APBB2: variants seen among roughly 807,000 people sequenced by gnomAD.
The protein encoded by APBB2 is Fe65-like 1.
Under a neutral mutation model 82.5 loss-of-function variants are expected in APBB2, and 38 were observed. That is an observed-to-expected ratio of 0.46 (90% CI 0.36 to 0.60). The LOEUF is 0.60. APBB2 is among the 20% of genes least tolerant of loss of function. The pLI is 0.00. For missense variants in APBB2, 772 were observed against 972.3 expected (o/e 0.79, Z 2.74); for synonymous variants, 341 against 368.2 (o/e 0.93, Z 0.85).
intron 3 of APBB2, among the ~76,000 whole-genome samples, chr4:41,073,319 T>C (rs1734521176): frequency 2.6e-5 from 4 of 152,248 alleles, no homozygotes; most frequent in Admixed American, 2.6e-4. Context: ...AACAACTTCC[T>C]ATCTAAGTTC....
chr4:41,162,448 C>T (rs1379010561), intron 1 of APBB2, among the ~76,000 whole-genome samples: 1 of 152,122 alleles, frequency 6.6e-6, no homozygotes, highest in Non-Finnish European at 1.5e-5. Context: ...CCCCACAACG[C>T]TCTTCATTGT....
intron 6 of APBB2, among the ~76,000 whole-genome samples, chr4:40,970,995 CATTT>C (rs1399357500): frequency 6.6e-6 from 1 of 152,174 alleles, no homozygotes; most frequent in Non-Finnish European, 1.5e-5. Context: ...CTGACTGTGC[CATTT>C]ATTTACAGTT....
At position 41,141,913 on chromosome 4, in the gene APBB2, TGA is replaced by T. The variant is rs1410678825; in HGVS notation, c.-261+1072_-261+1073del. ...ATCCTCCCATGACATGTGGGAATTA[TGA>T]GAGTTACAATTCAAGATGAGATTTG... On this transcript the variant is annotated intron_variant, in intron 2 of 17. Coordinates refer to ENST00000508593, the MANE Select transcript of APBB2 (RefSeq NM_004307.2). Among the ~76,000 whole-genome samples, 5 of 152,168 alleles carry T rather than the reference TGA, an allele frequency of 3.3e-5. No individual in the cohort carries two copies. In the South Asian group the frequency reaches 6.2e-4, roughly 19 times the overall value.
intron 6 of APBB2, among the ~76,000 whole-genome samples, chr4:40,960,245 C>G (rs1282085712): frequency 1.3e-5 from 2 of 151,786 alleles, no homozygotes; most frequent in Non-Finnish European, 2.9e-5. Context: ...TCTTATTACT[C>G]CTCTCAGTAA....
At chr4:41,136,909 C>T (rs915240884) in intron 2 of APBB2, among the ~76,000 whole-genome samples, 8 of 152,110 alleles carry the variant, frequency 5.3e-5, no homozygotes, top group South Asian at 2.1e-4. Flanking sequence ...GACTTTTAAA[C>T]AATTTCCTTT....
chr4:41,009,948 A>C (rs773932351), intron 6 of APBB2, among the ~76,000 whole-genome samples: 42 of 152,244 alleles, frequency 2.8e-4, no homozygotes, highest in Admixed American at 2.6e-4. Context: ...CACTAACAGT[A>C]TGTTTCACAG....
chr4:40,953,227 G>C (rs1188121994), intron 6 of APBB2, among the ~76,000 whole-genome samples: 1 of 150,774 alleles, frequency 6.6e-6, no homozygotes, highest in Non-Finnish European at 1.5e-5. Context: ...GAACCTGGGA[G>C]GTAGGTTGCA....
At chr4:40,992,027 C>T (rs1244604365) in intron 6 of APBB2, among the ~76,000 whole-genome samples, 1 of 152,128 alleles carries the variant, frequency 6.6e-6, no homozygotes, top group Non-Finnish European at 1.5e-5. Flanking sequence ...CACACTCACA[C>T]TGAAATTAAG....
intron 12 of APBB2, among the ~76,000 whole-genome samples, chr4:40,862,946 T>C (rs1286196283): frequency 1.3e-5 from 2 of 151,578 alleles, no homozygotes; most frequent in African/African-American, 4.9e-5. Context: ...ATAAGCACCG[T>C]CCCTTCTGAC....
At chr4:41,095,716 A>G (rs1743252992) in intron 3 of APBB2, among the ~76,000 whole-genome samples, 1 of 150,836 alleles carries the variant, frequency 6.6e-6, no homozygotes, top group Non-Finnish European at 1.5e-5. Flanking sequence ...TCACACGTAC[A>G]CTTCTGCAGT....
At chr4:41,083,790 G>C (rs1322859594) in intron 3 of APBB2, among the ~76,000 whole-genome samples, 2 of 150,058 alleles carry the variant, frequency 1.3e-5, no homozygotes, top group African/African-American at 4.9e-5. Flanking sequence ...TTATTACAGT[G>C]ATCATTAACA....
At chr4:41,044,932 T>C (rs563148948) in intron 4 of APBB2, among the ~76,000 whole-genome samples, 2 of 152,304 alleles carry the variant, frequency 1.3e-5, no homozygotes, top group African/African-American at 4.8e-5. Context: ...CTTTGCTTTA[T>C]TTTTCTCCTC....
intron 6 of APBB2, among the ~76,000 whole-genome samples, chr4:40,946,249 A>C (rs1159151386): frequency 1.3e-5 from 2 of 150,906 alleles, no homozygotes; most frequent in Non-Finnish European, 3.0e-5. Context: ...AAAAAAAAAA[A>C]AAAAACATTC....
intron 10 of APBB2, among the ~76,000 whole-genome samples, chr4:40,932,468 G>A (rs1313119593): frequency 6.6e-6 from 1 of 152,134 alleles, no homozygotes; most frequent in African/African-American, 2.4e-5. Context: ...GAACCAACTG[G>A]CAATATGGCA....
chr4:40,881,421 G>GA (rs1007021848), intron 12 of APBB2: 35 of 972,554 alleles, frequency 3.6e-5, no homozygotes, highest in South Asian at 4.8e-5. Context: ...CACTCCTAGG[G>GA]AAAAAAAACA....
At chr4:41,060,028 C>T (rs1344689090) in intron 4 of APBB2, among the ~76,000 whole-genome samples, 3 of 151,924 alleles carry the variant, frequency 2.0e-5, no homozygotes, top group Admixed American at 2.0e-4. Context: ...GGTCCAGAAG[C>T]CAGGACACCC....
intron 1 of APBB2, among the ~76,000 whole-genome samples, chr4:41,165,354 G>A (rs2154046298): frequency 6.6e-6 from 1 of 152,284 alleles, no homozygotes. Flanking sequence ...CCCACAAGGA[G>A]TCAGAGGCCA....
chr4:40,944,805 A>G, intron 7 of APBB2, 60 bp downstream of exon 7: 2 of 1,554,444 alleles, frequency 1.3e-6, no homozygotes, highest in Non-Finnish European at 1.8e-6. Flanking sequence ...CAACCAGTGT[A>G]AAGAGAAACC....
chr4:41,095,809 G>A (rs1337542083), intron 3 of APBB2, among the ~76,000 whole-genome samples: 1 of 152,088 alleles, frequency 6.6e-6, no homozygotes, highest in African/African-American at 2.4e-5. Flanking sequence ...CCACACTACT[G>A]CCCAAGTGAT....
Sources: gnomAD v4.1 joint callset for allele counts (sites outside exome capture counted in the v4.1 genomes callset) on GRCh38, gnomAD v4.1.1 for gene constraint, MANE v1.5 for transcripts, NCBI Gene and HGNC (gene_info 2026-07-23, HGNC 2026-07-21) for gene names.